SMPD3: variants seen among roughly 807,000 people sequenced by gnomAD.
SMPD3 encodes nSMase-2.
A neutral mutation model predicts 55.7 loss-of-function variants in SMPD3; 21 were observed. That is an observed-to-expected ratio of 0.38 (90% confidence interval 0.27 to 0.54). The LOEUF is 0.54. Ranked by LOEUF, SMPD3 falls within the 20% of genes least tolerant of loss-of-function variation. The probability of loss-of-function intolerance (pLI) is 0.80; values close to 1 mark genes in which losing one functional copy is unlikely to be tolerated. For missense variants in SMPD3, 842 were observed against 899.6 expected (o/e 0.94, Z 0.82); for synonymous variants, 457 against 404.3 (o/e 1.13, Z -1.56).
intron 1 of SMPD3, among the ~76,000 whole-genome samples, chr16:68,402,078 A>G (rs8045036): frequency 0.016 from 2,491 of 152,292 alleles, 67 homozygotes; most frequent in African/African-American, 0.053. Context: ...ACGGCTGGCT[A>G]GTGACCTTCC....
At chr16:68,443,097 C>T (rs537690187) in intron 1 of SMPD3, among the ~76,000 whole-genome samples, 1 of 152,144 alleles carries the variant, frequency 6.6e-6, no homozygotes, top group Non-Finnish European at 1.5e-5. Context: ...ACATCCAAAT[C>T]GAATGGGGAG....
intron 1 of SMPD3, among the ~76,000 whole-genome samples, chr16:68,421,884 C>G (rs1477144371): frequency 6.6e-6 from 1 of 152,182 alleles, no homozygotes; most frequent in Non-Finnish European, 1.5e-5. Context: ...ATATGCTACT[C>G]TATGTGGCAA....
intron 7 of SMPD3, 92 bp from the exon 8 acceptor site, chr16:68,361,851 G>GGGGT: frequency 3.1e-6 from 4 of 1,298,890 alleles, no homozygotes; most frequent in Non-Finnish European, 4.2e-6. Context: ...TCCTCCCAGT[G>GGGGT]TGGGAGCGGG....
chr16:68,399,375 A>T (rs1324603117), intron 1 of SMPD3, among the ~76,000 whole-genome samples: 1 of 152,166 alleles, frequency 6.6e-6, no homozygotes, highest in African/African-American at 2.4e-5. Context: ...CTGGTGCCCC[A>T]TAGCATGTCC....
intron 3 of SMPD3, among the ~76,000 whole-genome samples, chr16:68,366,955 C>T (rs2089496879): frequency 6.6e-6 from 1 of 150,970 alleles, no homozygotes; most frequent in Non-Finnish European, 1.5e-5. Context: ...TCACAGTGAG[C>T]CAAGATCATG....
chr16:68,405,317 GAAGC>G (rs1047151726), intron 1 of SMPD3, among the ~76,000 whole-genome samples: 2 of 152,050 alleles, frequency 1.3e-5, no homozygotes, highest in African/African-American at 4.8e-5. Context: ...TTGGGAGGCT[GAAGC>G]AATCAGATCT....
intron 5 of SMPD3, 75 bp downstream of exon 5, chr16:68,364,676 A>AAGTC (rs2151974452): frequency 6.7e-7 from 1 of 1,491,976 alleles, no homozygotes; most frequent in East Asian, 2.3e-5. Flanking sequence ...CTGCCTAACG[A>AAGTC]AGTCTGTCTA....
In SMPD3 at chr16:68,424,188, C is replaced by T. The variant is rs7191185; in HGVS notation, c.-269+24165G>A. Among the ~76,000 whole-genome samples the T allele has an allele frequency of 1.7e-3, 251 of 151,286 alleles. 1 individual carries two copies. Among genetic ancestry groups the T allele is most frequent in the African/African-American group, 5.5e-3 (228 of 41,388 alleles). On this transcript the variant is annotated intron_variant, in intron 1 of 8. Coordinates refer to ENST00000219334, the MANE Select transcript of SMPD3 (RefSeq NM_018667.4). ...GGAACAACAGTTTCTCCTGAATCCT[C>T]TCTTTGGCCAGGAGTACTGCCATGT...
At chr16:68,383,559 C>G (rs192411170) in intron 2 of SMPD3, among the ~76,000 whole-genome samples, 1 of 152,140 alleles carries the variant, frequency 6.6e-6, no homozygotes, top group African/African-American at 2.4e-5. Flanking sequence ...TCTTGCTCCC[C>G]GCACCATGGG....
chr16:68,364,762 T>C lies in SMPD3; in HGVS notation c.1544A>G (p.Asn515Ser). 1 of 1,613,332 alleles carries C rather than the reference T, an allele frequency of 6.2e-7. No homozygotes were observed. The highest frequency in any genetic ancestry group is 8.5e-7 in the Non-Finnish European group (1 of 1,179,742). ...GAGCCCGGCCTCACCAGAGGAGCAG[T>C]TATCAAAGTTGAAATCTCCACAGAC... Reference protein sequence around the residue: ...DVVCGDFNFDNCSSDDKLEQQ... With the variant: ...DVVCGDFNFDSCSSDDKLEQQ... The change falls in exon 5 of 9, where the codon AAC (asparagine) becomes AGC (serine). Residue 515 changes from asparagine (N) to serine (S), a missense_variant. Asn to Ser is a conservative substitution (Grantham distance 46). This residue lies in a region of SMPD3 where 649 missense variants were observed against 643.6 expected (regional missense o/e 1.01). Coordinates refer to ENST00000219334, the MANE Select transcript of SMPD3 (RefSeq NM_018667.4).
At chr16:68,399,929 C>A (rs533575423) in intron 1 of SMPD3, among the ~76,000 whole-genome samples, 32 of 152,364 alleles carry the variant, frequency 2.1e-4, no homozygotes, top group African/African-American at 7.5e-4. Context: ...CTCTCCGTAG[C>A]CTCATGCCTC....
At chr16:68,397,074 C>T (rs930298357) in intron 1 of SMPD3, among the ~76,000 whole-genome samples, 2 of 152,154 alleles carry the variant, frequency 1.3e-5, no homozygotes, top group South Asian at 4.1e-4. Context: ...CTTGGAGGGG[C>T]ATAAGTGACT....
At chr16:68,425,045 C>T (rs2090424985) in intron 1 of SMPD3, among the ~76,000 whole-genome samples, 1 of 152,220 alleles carries the variant, frequency 6.6e-6, no homozygotes, top group South Asian at 2.1e-4. Flanking sequence ...CTTAAGAAAA[C>T]AGTCCCTAAT....
chr16:68,430,985 T>G (rs2090475504), intron 1 of SMPD3, among the ~76,000 whole-genome samples: 1 of 152,204 alleles, frequency 6.6e-6, no homozygotes, highest in African/African-American at 2.4e-5. Flanking sequence ...TGGCCCATAA[T>G]GCATATTTGC....
chr16:68,444,373 T>C (rs891759566), intron 1 of SMPD3, among the ~76,000 whole-genome samples: 1 of 152,236 alleles, frequency 6.6e-6, no homozygotes. Context: ...GGCTGCAGTC[T>C]CATTTCCAGC....
At chr16:68,444,690 G>A (rs1321614727) in intron 1 of SMPD3, among the ~76,000 whole-genome samples, 2 of 152,174 alleles carry the variant, frequency 1.3e-5, no homozygotes, top group African/African-American at 2.4e-5. Context: ...AAAGATACAG[G>A]TATAAATTAA....
intron 1 of SMPD3, among the ~76,000 whole-genome samples, chr16:68,401,048 T>G (rs1202182139): frequency 6.6e-6 from 1 of 152,214 alleles, no homozygotes; most frequent in East Asian, 1.9e-4. Context: ...CCACCCTCTG[T>G]GAGGTGCTGG....
chr16:68,396,022 T>G (rs1022350674), intron 1 of SMPD3, among the ~76,000 whole-genome samples: 5 of 152,130 alleles, frequency 3.3e-5, no homozygotes, highest in Non-Finnish European at 7.3e-5. Flanking sequence ...CCTCAGCGGG[T>G]GTAGCCCCTA....
At chr16:68,370,191 CAA>C (rs2089613069) in intron 3 of SMPD3, 1 of 152,672 alleles carries the variant, frequency 6.5e-6, no homozygotes, top group African/African-American at 2.4e-5. Context: ...AAAACTCCTC[CAA>C]TCGAATCCAA....
Sources: allele counts gnomAD v4.1 joint callset (sites outside exome capture counted in the v4.1 genomes callset), GRCh38; gene constraint gnomAD v4.1.1; regional missense constraint gnomAD v4.1.1; transcripts MANE v1.5; gene names NCBI Gene and HGNC (gene_info 2026-07-23, HGNC 2026-07-21).